The following JUP variants were observed in gnomAD, a reference collection of about 807,000 sequenced individuals.
JUP encodes the protein junction plakoglobin.
JUP carries 28 observed loss-of-function variants against 71.1 expected under a neutral mutation model. The ratio of observed to expected loss-of-function variants is 0.39; its 90% CI spans 0.29 to 0.54. The LOEUF (loss-of-function observed/expected upper bound fraction) is 0.54, where lower values mean the gene tolerates loss of function less well. JUP is among the 20% of genes least tolerant of loss of function. JUP has a pLI of 0.62. For missense variants in JUP, 869 were observed against 1,030.1 expected (o/e 0.84, Z 2.14); for synonymous variants, 401 against 438.9 (o/e 0.91, Z 1.08).
chr17:41,765,076 A>T lies in JUP; in HGVS notation c.910-9T>A, dbSNP rs1915494472. 6.2e-7 allele frequency: 1 copy of T among 1,613,776 alleles called. No individual in the cohort carries two copies. The highest frequency in any genetic ancestry group is 8.5e-7 in the Non-Finnish European group (1 of 1,179,676). ...TTGGCCAGGATGATCAGCTATGGGT[A>T]AAGAGGGAATGAGTGTGAGATGGAC... On this transcript the variant is annotated splice_polypyrimidine_tract_variant and intron_variant, in intron 5 of 13. Transcript: ENST00000393931.
intron 1 of JUP, among the ~76,000 whole-genome samples, chr17:41,780,919 G>T (rs2047126505): frequency 6.6e-6 from 1 of 151,960 alleles, no homozygotes; most frequent in South Asian, 2.1e-4. Flanking sequence ...AGTGGCTCAC[G>T]CCTGTAATCC....
chr17:41,769,893 TGTCC>T (rs782447561), intron 2 of JUP, among the ~76,000 whole-genome samples: 11 of 141,352 alleles, frequency 7.8e-5, no homozygotes, highest in Non-Finnish European at 1.5e-4. Flanking sequence ...CCACATGTTC[TGTCC>T]ATCAAGGGAA....
chr17:41,782,182 G>C lies in JUP; in HGVS notation c.-9+4406C>G, dbSNP rs2047200852. On this transcript the variant is annotated intron_variant, in intron 1 of 13. Transcript: ENST00000393931. ...CCAGTTGGCAGAGACACCAGAACCA[G>C]GCAGGTCTGGAGAACAATCTGACAC... Among the ~76,000 whole-genome samples, 8 of 152,174 alleles carry C rather than the reference G, an allele frequency of 5.3e-5. 2 individuals are homozygous for C. In the South Asian group the frequency reaches 1.7e-3, roughly 32 times the overall value.
At chr17:41,762,180 T>A (rs200428097) in intron 8 of JUP, among the ~76,000 whole-genome samples, 25 of 70,242 alleles carry the variant, frequency 3.6e-4, no homozygotes, top group South Asian at 5.8e-4. Context: ...AGAGAGAGTG[T>A]GTGTGTGTGT....
At chr17:41,780,658 G>A (rs1216314042) in intron 1 of JUP, among the ~76,000 whole-genome samples, 3 of 151,156 alleles carry the variant, frequency 2.0e-5, no homozygotes, top group Non-Finnish European at 4.4e-5. Flanking sequence ...CTGCACTACT[G>A]CACTCCAGCC....
At position 41,783,440 on chromosome 17, in the gene JUP, A is replaced by G. The variant is rs1278216342; in HGVS notation, c.-9+3148T>C. 4.0e-5 allele frequency among the ~76,000 whole-genome samples: 6 copies of G among 151,200 alleles called. No homozygotes were observed. The South Asian group carries it at 8.4e-4, about 21-fold the overall frequency. ...GTAGCTGGGACCACAGGCATGCACC[A>G]CCACGCCCGGCTAATTTTTCTATTT... On this transcript the variant is annotated intron_variant, in intron 1 of 13. Transcript: ENST00000393931.
chr17:41,771,809 A>G lies in JUP; in HGVS notation c.46T>C (p.Trp16Arg), dbSNP rs1231029909. The change falls in exon 2 of 14, where the codon TGG becomes CGG. Residue 16 changes from tryptophan to arginine, a missense_variant. Trp to Arg is a moderately radical substitution (Grantham distance 101). Coordinates refer to ENST00000393931, the MANE Select transcript of JUP (RefSeq NM_002230.4). ...GAGTCGTAGGTGTATGTCTGCTGCC[A>G]CTCAGTCACCTTGATAGGCTGCTCC... ...LMEQPIKVTE[W>R]QQTYTYDSGI... The G allele has an allele frequency of 6.2e-7, 1 of 1,613,724 alleles. No individual in the cohort carries two copies. Among genetic ancestry groups the G allele is most frequent in the Non-Finnish European group, 8.5e-7 (1 of 1,179,942 alleles).
At position 41,769,514 on chromosome 17, in the gene JUP, C is replaced by T. The variant is rs938531688; in HGVS notation, c.372G>A (p.Lys124=). 2.8e-5 allele frequency: 45 copies of T among 1,612,710 alleles called. No homozygotes were observed. Among genetic ancestry groups the T allele is most frequent in the Non-Finnish European group, 3.7e-5 (44 of 1,179,586 alleles). ...QRLAEPSQLL[K]SAIVHLINYQ... ...AGTTGATGAGATGCACAATGGCCGA[C>T]TTGAGCAGCTGGGACGGCTCGGCCA... Residue 124 remains lysine (K), a synonymous_variant, in exon 3 of 14, where the codon AAG becomes AAA. Coordinates refer to ENST00000393931, the MANE Select transcript of JUP (RefSeq NM_002230.4).
intron 2 of JUP, among the ~76,000 whole-genome samples, chr17:41,770,829 C>T (rs1390061160): frequency 6.6e-6 from 1 of 152,224 alleles, no homozygotes; most frequent in African/African-American, 2.4e-5. Context: ...GCCGCAGAGG[C>T]CTGGTCTCCC....
chr17:41,773,577 T>C (rs981706801), intron 1 of JUP, among the ~76,000 whole-genome samples: 210 of 152,214 alleles, frequency 1.4e-3, no homozygotes, highest in African/African-American at 4.8e-3. Context: ...GTGTAGCTAT[T>C]TCAGAAGGAG....
At chr17:41,757,308 A>T in intron 12 of JUP, 107 bp downstream of exon 12, 1 of 1,251,134 alleles carries the variant, frequency 8.0e-7, no homozygotes, top group Non-Finnish European at 1.2e-6. Flanking sequence ...CAATTACAAA[A>T]TAAAAATCTA....
At chr17:41,765,438 G>A (rs782569876) in intron 5 of JUP, among the ~76,000 whole-genome samples, 3 of 151,632 alleles carry the variant, frequency 2.0e-5, no homozygotes, top group Non-Finnish European at 4.4e-5. Flanking sequence ...TACAACCTCC[G>A]CCTCCCGGGT....
At chr17:41,781,334 G>A (rs2143879324) in intron 1 of JUP, among the ~76,000 whole-genome samples, 1 of 151,486 alleles carries the variant, frequency 6.6e-6, no homozygotes, top group South Asian at 2.1e-4. Context: ...CAGTCTGGGT[G>A]ACAGAGTGAG....
Position 41,767,507 on chromosome 17 carries a change from T to C in JUP, c.781A>G (p.Lys261Glu). The change falls in exon 5 of 14, where the codon AAG becomes GAG. Residue 261 changes from lysine to glutamate, a missense_variant. By Grantham distance (56) the Lys-to-Glu change is moderately conservative. Coordinates refer to ENST00000393931, the MANE Select transcript of JUP (RefSeq NM_002230.4). ...CCGTCGGCCAGGCGCACGGCCATCTTGGCGCCCTCCTGGTACAGGAGCAGG... is the reference window on the plus strand; with the variant it reads ...CCGTCGGCCAGGCGCACGGCCATCTCGGCGCCCTCCTGGTACAGGAGCAGG... ...HNLLLYQEGA[K>E]MAVRLADGLQ... 1 of 1,553,950 alleles carries C rather than the reference T, an allele frequency of 6.4e-7. No homozygotes were observed. Among genetic ancestry groups the C allele is most frequent in the Non-Finnish European group, 8.7e-7 (1 of 1,144,260 alleles).
rs1916308035 is a variant in JUP, at chr17:41,769,654, T to C, written c.232A>G (p.Thr78Ala). 1 of 1,608,636 alleles carries C rather than the reference T, an allele frequency of 6.2e-7. No homozygotes were observed. Among genetic ancestry groups the C allele is most frequent in the Non-Finnish European group, 8.5e-7 (1 of 1,178,346 alleles). ...SQGDLEYQMS[T>A]TARAKRVREA... The stretch of plus-strand genomic sequence containing the variant: ...CGCACCCGTTTGGCCCTGGCTGTTG[T>C]GGACATCTGGTACTCCAGATCACCT... The change falls in exon 3 of 14, where the codon ACA becomes GCA. Residue 78 changes from threonine to alanine, a missense_variant. Physicochemically the swap from Thr to Ala is moderately conservative, Grantham distance 58 (BLOSUM62 0). Coordinates refer to ENST00000393931, the MANE Select transcript of JUP (RefSeq NM_002230.4).
intron 8 of JUP, 116 bp from the exon 9 acceptor site, chr17:41,758,986 C>T (rs1292290281): frequency 6.6e-6 from 7 of 1,055,592 alleles, no homozygotes; most frequent in Non-Finnish European, 8.0e-6. Flanking sequence ...AGGCCAGACA[C>T]AGACATACTG....
intron 7 of JUP, among the ~76,000 whole-genome samples, chr17:41,763,870 G>A (rs1915276837): frequency 6.6e-6 from 1 of 152,164 alleles, no homozygotes; most frequent in South Asian, 2.1e-4. Flanking sequence ...AGGGAGACAC[G>A]TGGGCCTTGT....
At chr17:41,780,044 C>G (rs1243832414) in intron 1 of JUP, among the ~76,000 whole-genome samples, 2 of 152,094 alleles carry the variant, frequency 1.3e-5, no homozygotes, top group Non-Finnish European at 2.9e-5. Context: ...ATTGCCAAGC[C>G]CCTGTCCCAA....
chr17:41,770,228 A>G (rs922616323), intron 2 of JUP, among the ~76,000 whole-genome samples: 10 of 151,968 alleles, frequency 6.6e-5, no homozygotes, highest in African/African-American at 2.4e-4. Context: ...AGAACCACCA[A>G]CATCACATCT....
Sources: allele counts gnomAD v4.1 joint callset (sites outside exome capture counted in the v4.1 genomes callset), GRCh38; gene constraint gnomAD v4.1.1; transcripts MANE v1.5; gene names NCBI Gene and HGNC (gene_info 2026-07-23, HGNC 2026-07-21).